GXYLT1: variants seen among roughly 807,000 people sequenced by gnomAD.
GXYLT1 encodes glucoside xylosyltransferase 1, also known as glycosyltransferase 8 domain containing 3.
Under a neutral mutation model 54.0 loss-of-function variants are expected in GXYLT1, and 29 were observed. The ratio of observed to expected loss-of-function variants is 0.54; its 90% CI spans 0.40 to 0.73. The LOEUF (loss-of-function observed/expected upper bound fraction) is 0.73. Ranked by LOEUF, GXYLT1 falls within the 30% of genes least tolerant of loss-of-function variation. GXYLT1 has a pLI of 0.00. For missense variants in GXYLT1, 490 were observed against 553.4 expected (o/e 0.89, Z 1.15); for synonymous variants, 176 against 204.1 (o/e 0.86, Z 1.17).
At position 42,144,749 on chromosome 12, in the gene GXYLT1, A is replaced by C; in HGVS notation, c.-103T>G. On this transcript the variant is annotated 5_prime_UTR_variant, in exon 1 of 8. Coordinates refer to ENST00000398675, the MANE Select transcript of GXYLT1 (RefSeq NM_173601.2). Reference sequence around the variant, plus strand: ...CAGCCGCGGGCGCAACAAGTTCCTCACCCGCAGCCGCCGCCGCCGCCTTGC... The same window carrying C: ...CAGCCGCGGGCGCAACAAGTTCCTCCCCCGCAGCCGCCGCCGCCGCCTTGC... The C allele has an allele frequency of 1.2e-6, 1 of 821,284 alleles. No homozygotes were observed. The highest frequency in any genetic ancestry group is 1.7e-6 in the Non-Finnish European group (1 of 603,258). The allele number at this position is 821,284 out of a possible 1,614,324, so 50.9% of individuals were successfully genotyped here. A position where few individuals can be genotyped will look rare whatever the true frequency, so the allele number is the denominator to read the frequency against.
intron 7 of GXYLT1, among the ~76,000 whole-genome samples, chr12:42,091,294 T>TA (rs1036498636): frequency 8.7e-5 from 13 of 149,962 alleles, no homozygotes; most frequent in African/African-American, 2.2e-4. Flanking sequence ...AAGATTTTTT[T>TA]AAAAAAAAAT....
chr12:42,137,043 C>G (rs555439731), intron 1 of GXYLT1, among the ~76,000 whole-genome samples: 1 of 152,222 alleles, frequency 6.6e-6, no homozygotes, highest in East Asian at 1.9e-4. Flanking sequence ...GCTAGGATTA[C>G]AGGTACGAGC....
intron 3 of GXYLT1, among the ~76,000 whole-genome samples, chr12:42,112,083 C>T (rs2065460988): frequency 6.6e-6 from 1 of 152,132 alleles, no homozygotes; most frequent in Admixed American, 6.5e-5. Flanking sequence ...AGCTGAGGGT[C>T]CTGTCTGGTA....
At chr12:42,128,156 C>A (rs541920150) in intron 2 of GXYLT1, among the ~76,000 whole-genome samples, 36 of 152,256 alleles carry the variant, frequency 2.4e-4, no homozygotes, top group African/African-American at 7.9e-4. Context: ...TACAAACTTC[C>A]AGTCAGAAGG....
chr12:42,121,505 C>G lies in GXYLT1; in HGVS notation c.315-2334G>C, dbSNP rs143246024. ...AACTAGCTGGGTGTGGTGATGCACG[C>G]CTGTACTCCTAGCTACTTAAAGGCT... On this transcript the variant is annotated intron_variant, in intron 2 of 7. Coordinates refer to ENST00000398675, the MANE Select transcript of GXYLT1 (RefSeq NM_173601.2). Among the ~76,000 whole-genome samples, 798 of 152,170 alleles carry G rather than the reference C, an allele frequency of 5.2e-3. 7 individuals carry two copies. Among genetic ancestry groups the G allele is most frequent in the Non-Finnish European group, 5.5e-3 (375 of 68,022 alleles).
Position 42,087,725 on chromosome 12 carries a change from T to C in GXYLT1, c.*61A>G. 2.5e-6 allele frequency: 3 copies of C among 1,217,782 alleles called. No individual in the cohort carries two copies. The highest frequency in any genetic ancestry group is 1.4e-5 in the South Asian group (1 of 69,098). 75.4% of individuals were successfully genotyped at this position (1,217,782 alleles called of 1,614,324 possible). A position where few individuals can be genotyped will look rare whatever the true frequency, so the allele number is the denominator to read the frequency against. ...TCCTGAATACTTCATCCAAGACGAT[T>C]CCTTCACACTTATCTTCTGATTCTT... On this transcript the variant is annotated 3_prime_UTR_variant, in exon 8 of 8. Coordinates refer to ENST00000398675, the MANE Select transcript of GXYLT1 (RefSeq NM_173601.2).
In GXYLT1 at chr12:42,144,697, A is replaced by T; in HGVS notation, c.-51T>A. The T allele has an allele frequency of 1.8e-6, 2 of 1,125,402 alleles. No homozygotes were observed. Among genetic ancestry groups the T allele is most frequent in the Non-Finnish European group, 2.4e-6 (2 of 836,228 alleles). 69.7% of individuals were successfully genotyped at this position (1,125,402 alleles called of 1,614,324 possible). ...CGCCGCCGCCGCGCCCGCCCCGACGAACTGGAGCGGAGGGAGGGGCACCGC... is the reference window on the plus strand; with the variant it reads ...CGCCGCCGCCGCGCCCGCCCCGACGTACTGGAGCGGAGGGAGGGGCACCGC... On this transcript the variant is annotated 5_prime_UTR_variant, in exon 1 of 8. Coordinates refer to ENST00000398675, the MANE Select transcript of GXYLT1 (RefSeq NM_173601.2).
At chr12:42,093,161 G>T (rs1425933689) in intron 7 of GXYLT1, among the ~76,000 whole-genome samples, 3 of 152,176 alleles carry the variant, frequency 2.0e-5, no homozygotes, top group Non-Finnish European at 4.4e-5. Context: ...GCAATGGAGC[G>T]ATCCTGGCTC....
At chr12:42,139,418 C>T (rs2065639226) in intron 1 of GXYLT1, among the ~76,000 whole-genome samples, 1 of 151,954 alleles carries the variant, frequency 6.6e-6, no homozygotes, top group Admixed American at 6.6e-5. Flanking sequence ...GGAGGTAGGG[C>T]CTTTTGGTAG....
At chr12:42,105,758 T>A in intron 5 of GXYLT1, 60 bp downstream of exon 5, 1 of 1,417,602 alleles carries the variant, frequency 7.1e-7, no homozygotes, top group Non-Finnish European at 9.6e-7. Context: ...TTAGTTTTAT[T>A]AAAAACAATT....
chr12:42,133,156 T>C (rs902942706), intron 1 of GXYLT1, among the ~76,000 whole-genome samples: 2 of 152,096 alleles, frequency 1.3e-5, no homozygotes, highest in Non-Finnish European at 2.9e-5. Context: ...CGGTTGCCTG[T>C]AATCCCAGCT....
intron 6 of GXYLT1, 57 bp from the exon 7 acceptor site, chr12:42,097,671 C>T (rs1162717422): frequency 7.0e-7 from 1 of 1,436,586 alleles, no homozygotes; most frequent in African/African-American, 1.4e-5. Context: ...ACAGATGTAA[C>T]ATTATGCAAA....
At chr12:42,118,174 A>C (rs890925680) in intron 3 of GXYLT1, among the ~76,000 whole-genome samples, 2 of 152,206 alleles carry the variant, frequency 1.3e-5, no homozygotes, top group South Asian at 4.1e-4. Context: ...CTGCTGCCAA[A>C]TTGATTTTAA....
intron 5 of GXYLT1, among the ~76,000 whole-genome samples, chr12:42,103,782 T>TC (rs1565568939): frequency 1.3e-5 from 2 of 152,092 alleles, no homozygotes; most frequent in African/African-American, 4.8e-5. Flanking sequence ...GTGTTTTTTT[T>TC]CACAGTCATT....
intron 2 of GXYLT1, among the ~76,000 whole-genome samples, chr12:42,123,521 C>A (rs2065543419): frequency 1.3e-5 from 2 of 152,044 alleles, no homozygotes; most frequent in Admixed American, 6.6e-5. Context: ...AAAAAGAATG[C>A]TTTACATAAC....
intron 5 of GXYLT1, among the ~76,000 whole-genome samples, chr12:42,103,281 A>G (rs1415681446): frequency 1.3e-5 from 2 of 152,172 alleles, no homozygotes; most frequent in African/African-American, 4.8e-5. Context: ...TTTAATATAC[A>G]TAACTATAAT....
chr12:42,117,271 A>G (rs578042035), intron 3 of GXYLT1, among the ~76,000 whole-genome samples: 2 of 152,170 alleles, frequency 1.3e-5, no homozygotes, highest in East Asian at 3.9e-4. Flanking sequence ...TAAAACTTAA[A>G]GTATAATAAT....
At chr12:42,144,010 A>G (rs956768816) in intron 1 of GXYLT1, among the ~76,000 whole-genome samples, 2 of 152,172 alleles carry the variant, frequency 1.3e-5, no homozygotes, top group African/African-American at 4.8e-5. Flanking sequence ...ACTCACACAC[A>G]CACACACAAT....
chr12:42,098,056 G>A, intron 5 of GXYLT1, 23 bp from the exon 6 acceptor site: 1 of 1,604,804 alleles, frequency 6.2e-7, no homozygotes, highest in Non-Finnish European at 8.5e-7. Flanking sequence ...ACATTCAAAA[G>A]AGCTTCAGAC....
Sources: gnomAD v4.1 joint callset for allele counts (sites outside exome capture counted in the v4.1 genomes callset) on GRCh38, gnomAD v4.1.1 for gene constraint, MANE v1.5 for transcripts, NCBI Gene and HGNC (gene_info 2026-07-23, HGNC 2026-07-21) for gene names.